The following USP7 variants were observed in gnomAD, a reference collection of about 807,000 sequenced individuals.
USP7 encodes ubiquitin C-terminal hydrolase 7.
In USP7, 9 loss-of-function variants were observed where a neutral mutation model predicts 162.9. That is an observed-to-expected ratio of 0.06 (90% CI 0.03 to 0.10). The LOEUF (loss-of-function observed/expected upper bound fraction) is 0.10. Among genes scored for constraint, USP7 ranks in the 10% least tolerant of loss-of-function variants. The probability of loss-of-function intolerance (pLI) is 1.00; values close to 1 mark genes in which losing one functional copy is unlikely to be tolerated. For missense variants in USP7, 715 were observed against 1,373.7 expected (o/e 0.52, Z 7.58); for synonymous variants, 562 against 475.9 (o/e 1.18, Z -2.35).
At chr16:8,951,887 C>T (rs1394390353) in intron 1 of USP7, among the ~76,000 whole-genome samples, 1 of 152,174 alleles carries the variant, frequency 6.6e-6, no homozygotes, top group African/African-American at 2.4e-5. Context: ...CTTTTTATGC[C>T]ACCAAATGCC....
intron 1 of USP7, among the ~76,000 whole-genome samples, chr16:8,951,846 A>C (rs1596413747): frequency 6.6e-6 from 1 of 152,238 alleles, no homozygotes; most frequent in South Asian, 2.1e-4. Context: ...AAAGGAAGCA[A>C]TCTACCAACG....
chr16:8,959,412 T>A (rs1251334840), intron 1 of USP7, among the ~76,000 whole-genome samples: 1 of 151,948 alleles, frequency 6.6e-6, no homozygotes, highest in Non-Finnish European at 1.5e-5. Context: ...ATCATTTCAT[T>A]ACAGAGAAAA....
At chr16:8,915,768 G>A (rs752622683) in intron 8 of USP7, among the ~76,000 whole-genome samples, 16 of 152,200 alleles carry the variant, frequency 1.1e-4, no homozygotes, top group Non-Finnish European at 1.9e-4. Flanking sequence ...TTAGTAATCT[G>A]TAGTGCCTTT....
chr16:8,910,610 C>T lies in USP7; in HGVS notation c.1161+135G>A, dbSNP rs1057250308. 1.0e-5 allele frequency: 8 copies of T among 775,418 alleles called. No individual in the cohort carries two copies. In the African/African-American group the frequency reaches 1.2e-4, roughly 12 times the overall value. 48.0% of individuals were successfully genotyped at this position (775,418 alleles called of 1,614,324 possible). ...TCTCCCTCCCCATTCAATTATCCTA[C>T]AAACAGAATCCTTGTATATTCTAAA... is the stretch of plus-strand genomic sequence containing the variant. On this transcript the variant is annotated intron_variant, in intron 11 of 30. Transcript: ENST00000344836.
chr16:8,919,026 T>C lies in USP7; in HGVS notation c.720+5A>G. The C allele has an allele frequency of 6.2e-7, 1 of 1,613,104 alleles. No individual in the cohort carries two copies. Among genetic ancestry groups the C allele is most frequent in the South Asian group, 1.1e-5 (1 of 91,034 alleles). On this transcript the variant is annotated splice_donor_5th_base_variant and intron_variant, in intron 6 of 30. Transcript: ENST00000344836. ...GGCTGCAGGAGAGGAACACTATCCA[T>C]TTACCTTTCGTAGCTGATTCGTGAA... is the stretch of plus-strand genomic sequence containing the variant.
intron 1 of USP7, among the ~76,000 whole-genome samples, chr16:8,940,983 C>T (rs1899018863): frequency 6.6e-6 from 1 of 152,180 alleles, no homozygotes; most frequent in African/African-American, 2.4e-5. Flanking sequence ...ATTCTCTCTC[C>T]TCCCACTCCA....
At chr16:8,908,085 CAGCCA>C (rs1458113502) in intron 12 of USP7, among the ~76,000 whole-genome samples, 1 of 152,202 alleles carries the variant, frequency 6.6e-6, no homozygotes, top group Non-Finnish European at 1.5e-5. Context: ...GGACTTAAAT[CAGCCA>C]TAGCTGAGAG....
At chr16:8,904,690 C>T in intron 14 of USP7, 125 bp from the exon 15 acceptor site, 1 of 1,405,468 alleles carries the variant, frequency 7.1e-7, no homozygotes, top group Non-Finnish European at 9.4e-7. Context: ...CGCCTGTAAT[C>T]CCAGCACTTT....
chr16:8,938,791 A>G (rs1308716822), intron 1 of USP7, among the ~76,000 whole-genome samples: 1 of 152,148 alleles, frequency 6.6e-6, no homozygotes. Flanking sequence ...TCCCAAAACA[A>G]TAGTCTACCA....
chr16:8,944,234 A>C (rs1899181265), intron 1 of USP7, among the ~76,000 whole-genome samples: 1 of 67,200 alleles, frequency 1.5e-5, no homozygotes, highest in African/African-American at 1.5e-4. Flanking sequence ...CAGAGGTGCA[A>C]AAAAAAAAAA....
rs1344891019 is a variant in USP7, at chr16:8,921,229, G to A, written c.450C>T (p.Phe150=). 7 of 1,614,060 alleles carry A rather than the reference G, an allele frequency of 4.3e-6. No individual in the cohort carries two copies. Among genetic ancestry groups the A allele is most frequent in the Non-Finnish European group, 5.1e-6 (6 of 1,180,000 alleles). ...IINYRDDEKS[F]SRRISHLFFH... is the part of the protein sequence containing the mutation. ...AGAACAAATGACTAATACGACGACT[G>A]AACGACTTTTCATCATCTCTGTAAT... Residue 150 remains phenylalanine, a synonymous_variant, in exon 4 of 31, where the codon TTC becomes TTT. Coordinates refer to ENST00000344836, the MANE Select transcript of USP7 (RefSeq NM_003470.3).
At chr16:8,941,241 A>G (rs1454103806) in intron 1 of USP7, among the ~76,000 whole-genome samples, 2 of 152,226 alleles carry the variant, frequency 1.3e-5, no homozygotes, top group Non-Finnish European at 2.9e-5. Flanking sequence ...ATTCCAGAAC[A>G]TGAACCTAAG....
intron 1 of USP7, among the ~76,000 whole-genome samples, chr16:8,940,789 G>A (rs908473981): frequency 6.6e-6 from 1 of 152,012 alleles, no homozygotes; most frequent in Non-Finnish European, 1.5e-5. Flanking sequence ...GTAGGGCCCT[G>A]GAATATTAGC....
intron 1 of USP7, among the ~76,000 whole-genome samples, chr16:8,941,575 C>T (rs1007834759): frequency 6.6e-6 from 1 of 152,230 alleles, no homozygotes; most frequent in Non-Finnish European, 1.5e-5. Flanking sequence ...CGCACGATAG[C>T]AACATCAGAG....
chr16:8,928,584 A>G (rs1450533898), intron 2 of USP7, among the ~76,000 whole-genome samples: 9 of 152,156 alleles, frequency 5.9e-5, no homozygotes, highest in African/African-American at 2.2e-4. Context: ...CTCAGCTACA[A>G]GTTCTTCTCC....
At chr16:8,932,806 T>C (rs1898446335) in intron 1 of USP7, among the ~76,000 whole-genome samples, 1 of 152,138 alleles carries the variant, frequency 6.6e-6, no homozygotes, top group African/African-American at 2.4e-5. Context: ...AGCAGGATAG[T>C]GCCTTATCTG....
At position 8,905,076 on chromosome 16, in the gene USP7, C is replaced by T. The variant is rs544257886; in HGVS notation, c.1573+111G>A. 6 of 1,375,740 alleles carry T rather than the reference C, an allele frequency of 4.4e-6. No individual in the cohort carries two copies. In the African/African-American group the frequency reaches 8.5e-5, roughly 20 times the overall value. The allele number at this position is 1,375,740 out of a possible 1,614,324, so 85.2% of individuals were successfully genotyped here. A position where few individuals can be genotyped will look rare whatever the true frequency, so the allele number is the denominator to read the frequency against. Reference sequence around the variant, plus strand: ...GCTCATTTCTGCGCTGCTGTGAATACAATGGAATAAGCATAAAATGTGTTT... The same window carrying T: ...GCTCATTTCTGCGCTGCTGTGAATATAATGGAATAAGCATAAAATGTGTTT... On this transcript the variant is annotated intron_variant, in intron 14 of 30. Transcript: ENST00000344836.
intron 1 of USP7, among the ~76,000 whole-genome samples, chr16:8,930,720 G>A (rs575231879): frequency 1.3e-5 from 2 of 152,254 alleles, no homozygotes; most frequent in African/African-American, 4.8e-5. Flanking sequence ...TGTAATCCTA[G>A]CATTTTGAGA....
chr16:8,899,473 G>C (rs2061741220), intron 22 of USP7, 131 bp downstream of exon 22: 3 of 1,174,266 alleles, frequency 2.6e-6, no homozygotes, highest in African/African-American at 3.1e-5. Context: ...GAATCCATCA[G>C]TGGGAGATTT....
Sources: gnomAD v4.1 joint callset for allele counts (sites outside exome capture counted in the v4.1 genomes callset) on GRCh38, gnomAD v4.1.1 for gene constraint, MANE v1.5 for transcripts, NCBI Gene and HGNC (gene_info 2026-07-23, HGNC 2026-07-21) for gene names.